Variants in CTNNA2 observed in about 807,000 individuals in gnomAD.
CTNNA2 encodes catenin alpha 2.
In CTNNA2, 42 loss-of-function variants were observed where a neutral mutation model predicts 101.0. The ratio of observed to expected loss-of-function variants is 0.42; its 90% CI spans 0.32 to 0.54. CTNNA2 has a LOEUF of 0.54. CTNNA2 is among the 20% of genes least tolerant of loss of function. The probability of loss-of-function intolerance (pLI) is 0.14; values close to 1 mark genes in which losing one functional copy is unlikely to be tolerated. For missense variants in CTNNA2, 871 were observed against 1,223.1 expected (o/e 0.71, Z 4.29); for synonymous variants, 450 against 456.4 (o/e 0.99, Z 0.18).
intron 17 of CTNNA2, among the ~76,000 whole-genome samples, chr2:80,610,600 G>C (rs1322076202): frequency 6.6e-6 from 1 of 151,636 alleles, no homozygotes; most frequent in African/African-American, 2.4e-5. Flanking sequence ...ACATTTGTTA[G>C]AAGTCAACCT....
chr2:79,891,155 CA>C (rs1460891646), intron 6 of CTNNA2, among the ~76,000 whole-genome samples: 1 of 151,894 alleles, frequency 6.6e-6, no homozygotes, highest in African/African-American at 2.4e-5. Flanking sequence ...AGGAGATGCC[CA>C]TACATATTAC....
intron 7 of CTNNA2, among the ~76,000 whole-genome samples, chr2:80,324,862 G>C (rs1354913965): frequency 1.3e-5 from 2 of 151,794 alleles, no homozygotes; most frequent in Admixed American, 6.6e-5. Flanking sequence ...TCTCCTTTTC[G>C]TCACTCAAGT....
chr2:79,857,958 G>A lies in CTNNA2; in HGVS notation c.299-55G>A, dbSNP rs1242333664. On this transcript the variant is annotated intron_variant, in intron 3 of 18. Coordinates refer to ENST00000402739, the MANE Select transcript of CTNNA2 (RefSeq NM_001282597.3). ...TTGTCCATTCACAGATCTTTAGGAT[G>A]GCCAGTCTCTAAGCCTCTTGTCTAC... The A allele has an allele frequency of 8.4e-6, 13 of 1,542,058 alleles. No homozygotes were observed. In the Admixed American group the frequency reaches 1.2e-4, roughly 15 times the overall value.
At chr2:79,382,682 C>T (rs979462818) in intron 4 of CTNNA2, among the ~76,000 whole-genome samples, 12 of 152,184 alleles carry the variant, frequency 7.9e-5, no homozygotes, top group Non-Finnish European at 1.5e-4. Flanking sequence ...GGCACAATCT[C>T]GGCTCCCTGC....
At chr2:79,514,442 T>G (rs1573214631) in intron 1 of CTNNA2, among the ~76,000 whole-genome samples, 2 of 152,234 alleles carry the variant, frequency 1.3e-5, no homozygotes, top group Admixed American at 1.3e-4. Flanking sequence ...AATGGAAAAG[T>G]TGAATTAGCT....
At chr2:79,507,772 C>T (rs761532748) in intron 5 of CTNNA2, among the ~76,000 whole-genome samples, 3 of 152,032 alleles carry the variant, frequency 2.0e-5, no homozygotes, top group Admixed American at 6.6e-5. Context: ...AATCTAGCCA[C>T]GAGATATATT....
chr2:79,771,333 G>A (rs556862899), intron 3 of CTNNA2, among the ~76,000 whole-genome samples: 3 of 152,260 alleles, frequency 2.0e-5, no homozygotes, highest in African/African-American at 7.2e-5. Context: ...CTGGCACCAG[G>A]GACCAGTTTT....
At chr2:80,006,707 G>A (rs759188562) in intron 7 of CTNNA2, among the ~76,000 whole-genome samples, 7 of 152,164 alleles carry the variant, frequency 4.6e-5, no homozygotes, top group Non-Finnish European at 8.8e-5. Flanking sequence ...CTGAGGCTGG[G>A]TTAGTGTTCT....
intron 1 of CTNNA2, among the ~76,000 whole-genome samples, chr2:79,597,316 C>CAAAA (rs1373747668): frequency 6.6e-6 from 1 of 151,868 alleles, no homozygotes; most frequent in African/African-American, 2.4e-5. Context: ...ACTAAAAATA[C>CAAAA]AAAAAATTAG....
At chr2:80,605,958 T>G (rs78790937) in intron 16 of CTNNA2, among the ~76,000 whole-genome samples, 3,698 of 151,446 alleles carry the variant, frequency 0.024, 94 homozygotes, top group South Asian at 0.13. Context: ...AAACTGAGGG[T>G]TTTTTTTGAC....
intron 7 of CTNNA2, among the ~76,000 whole-genome samples, chr2:79,975,067 C>T (rs1690740070): frequency 1.3e-5 from 2 of 152,146 alleles, no homozygotes. Context: ...CTTGTTTTCT[C>T]ATTTTCTGCC....
intron 9 of CTNNA2, among the ~76,000 whole-genome samples, chr2:80,422,132 C>G (rs1559096552): frequency 6.6e-6 from 1 of 152,288 alleles, no homozygotes; most frequent in East Asian, 1.9e-4. Context: ...TTAATTGACT[C>G]ACAGTTACAC....
intron 7 of CTNNA2, among the ~76,000 whole-genome samples, chr2:79,967,843 T>TA (rs1690184715): frequency 6.6e-6 from 1 of 152,154 alleles, no homozygotes; most frequent in Admixed American, 6.5e-5. Context: ...GATGATTGGA[T>TA]AAAAAATTGC....
intron 14 of CTNNA2, 28 bp downstream of exon 14, chr2:80,581,847 G>A (rs1316549812): frequency 9.2e-6 from 12 of 1,308,814 alleles, no homozygotes; most frequent in Non-Finnish European, 1.1e-5. Context: ...ACTTTGGCTT[G>A]GCACACAGGG....
chr2:80,610,864 C>T (rs72922416), intron 17 of CTNNA2, among the ~76,000 whole-genome samples: 3,917 of 151,628 alleles, frequency 0.026, 180 homozygotes, highest in African/African-American at 0.089. Flanking sequence ...CAACAGGTCA[C>T]GGAGGAGAAT....
At chr2:80,557,254 T>C (rs1055975042) in intron 12 of CTNNA2, among the ~76,000 whole-genome samples, 3 of 152,246 alleles carry the variant, frequency 2.0e-5, no homozygotes, top group Non-Finnish European at 2.9e-5. Flanking sequence ...TCAGCACTGC[T>C]TTCTTTCACA....
At chr2:79,255,498 G>A (rs759422204) in intron 2 of CTNNA2, among the ~76,000 whole-genome samples, 22 of 152,190 alleles carry the variant, frequency 1.4e-4, no homozygotes, top group Non-Finnish European at 2.8e-4. Flanking sequence ...GACAAGTACA[G>A]CATGGCAGAG....
chr2:80,451,215 T>A (rs1683479572), intron 9 of CTNNA2, among the ~76,000 whole-genome samples: 1 of 152,072 alleles, frequency 6.6e-6, no homozygotes, highest in Admixed American at 6.6e-5. Context: ...ATAATCCCCA[T>A]GTCTCCTGGG....
rs193047900 is a variant in CTNNA2 at position 80,086,979 on chromosome 2, T to C, written c.1056+177182T>C. ...GTGTTTCCAGATGATGCTTTGAGGA[T>C]TACTAACAGAGCAGCTATTACAAAG... is the stretch of plus-strand genomic sequence containing the variant. On this transcript the variant is annotated intron_variant, in intron 7 of 18. Coordinates refer to ENST00000402739, the MANE Select transcript of CTNNA2 (RefSeq NM_001282597.3). 2.0e-5 allele frequency among the ~76,000 whole-genome samples: 3 copies of C among 152,128 alleles called. No individual in the cohort carries two copies. In the East Asian group the frequency reaches 5.8e-4, roughly 29 times the overall value.
Sources: allele counts gnomAD v4.1 joint callset (sites outside exome capture counted in the v4.1 genomes callset), GRCh38; gene constraint gnomAD v4.1.1; transcripts MANE v1.5; gene names NCBI Gene and HGNC (gene_info 2026-07-23, HGNC 2026-07-21).